Variants in SLC7A7 observed in about 807,000 individuals in gnomAD.
SLC7A7 encodes solute carrier family 7 member 7.
SLC7A7 carries 39 observed loss-of-function variants against 47.9 expected under a neutral mutation model. The observed-to-expected ratio is 0.81, with a 90% CI of 0.63 to 1.06. The LOEUF is 1.06. Among genes scored for constraint, SLC7A7 ranks in the 50% least tolerant of loss-of-function variants. SLC7A7 has a pLI of 0.00. For missense variants in SLC7A7, 588 were observed against 632.0 expected, an observed-to-expected ratio of 0.93 and a Z score of 0.75; for synonymous variants, 234 against 242.8, an observed-to-expected ratio of 0.96 and a Z score of 0.34.
chr14:22,780,404 G>C (rs1035471671), intron 2 of SLC7A7: 2 of 295,304 alleles, frequency 6.8e-6, no homozygotes, highest in African/African-American at 4.3e-5. Context: ...GAAAAGTCAT[G>C]GTCTCTCCCT....
intron 2 of SLC7A7, among the ~76,000 whole-genome samples, chr14:22,803,828 AC>A (rs1416432103): frequency 6.6e-6 from 1 of 152,132 alleles, no homozygotes; most frequent in Non-Finnish European, 1.5e-5. Flanking sequence ...TGCCACATAT[AC>A]ATGTTTAAGT....
intron 2 of SLC7A7, among the ~76,000 whole-genome samples, chr14:22,790,327 C>CAA (rs538548693): frequency 4.0e-4 from 33 of 83,194 alleles, no homozygotes; most frequent in African/African-American, 1.4e-3. Flanking sequence ...AAGACTGTCT[C>CAA]AAAAAAAAAA....
chr14:22,789,188 A>G (rs1395898235), intron 2 of SLC7A7, among the ~76,000 whole-genome samples: 2 of 152,166 alleles, frequency 1.3e-5, no homozygotes, highest in Non-Finnish European at 2.9e-5. Flanking sequence ...ATCACTTCAG[A>G]GTGCTGCTCA....
chr14:22,789,918 T>C (rs1437415374), intron 2 of SLC7A7, among the ~76,000 whole-genome samples: 2 of 152,158 alleles, frequency 1.3e-5, no homozygotes, highest in Non-Finnish European at 2.9e-5. Flanking sequence ...ACAGTGCTAC[T>C]TCATATTAGC....
chr14:22,781,375 C>T (rs1277655199), intron 2 of SLC7A7, among the ~76,000 whole-genome samples: 4 of 152,084 alleles, frequency 2.6e-5, no homozygotes, highest in Non-Finnish European at 5.9e-5. Flanking sequence ...ACAGCTGCCC[C>T]ATCTTCTCTC....
At chr14:22,791,343 T>C (rs1233042797) in intron 2 of SLC7A7, among the ~76,000 whole-genome samples, 1 of 152,110 alleles carries the variant, frequency 6.6e-6, no homozygotes, top group Non-Finnish European at 1.5e-5. Flanking sequence ...TGTGTTCTTT[T>C]TTCTTTCACA....
At chr14:22,780,801 G>A (rs1000984840) in intron 2 of SLC7A7, among the ~76,000 whole-genome samples, 7 of 152,264 alleles carry the variant, frequency 4.6e-5, no homozygotes, top group African/African-American at 1.7e-4. Context: ...AAAGTGTTAT[G>A]TCCATATGAA....
At chr14:22,792,344 C>T (rs891275629) in intron 2 of SLC7A7, among the ~76,000 whole-genome samples, 1 of 152,140 alleles carries the variant, frequency 6.6e-6, no homozygotes, top group African/African-American at 2.4e-5. Flanking sequence ...GTGAGGATCA[C>T]TTGAGGCCAG....
chr14:22,805,566 G>A (rs1174660531), intron 2 of SLC7A7, among the ~76,000 whole-genome samples: 4 of 152,142 alleles, frequency 2.6e-5, no homozygotes, highest in African/African-American at 9.7e-5. Flanking sequence ...TGAACGGTGA[G>A]AACACATAGA....
At chr14:22,779,541 G>A (rs1046713076) in intron 3 of SLC7A7, among the ~76,000 whole-genome samples, 7 of 151,342 alleles carry the variant, frequency 4.6e-5, no homozygotes, top group South Asian at 2.1e-4. Flanking sequence ...TGCAACCACC[G>A]CCTCCTGGAT....
At chr14:22,803,281 C>T (rs920559621) in intron 2 of SLC7A7, among the ~76,000 whole-genome samples, 4 of 151,728 alleles carry the variant, frequency 2.6e-5, no homozygotes, top group African/African-American at 9.7e-5. Flanking sequence ...TAGCCAGGCA[C>T]AGTGGCAGCG....
chr14:22,783,121 A>G (rs142577362), intron 2 of SLC7A7, among the ~76,000 whole-genome samples: 6,806 of 151,848 alleles, frequency 0.045, 242 homozygotes, highest in South Asian at 0.079. Flanking sequence ...TTTAGTAGAG[A>G]CAGGGTTTCA....
At chr14:22,784,722 T>C (rs1430339101) in intron 2 of SLC7A7, among the ~76,000 whole-genome samples, 1 of 152,050 alleles carries the variant, frequency 6.6e-6, no homozygotes, top group Non-Finnish European at 1.5e-5. Context: ...AGACTAGTTC[T>C]AGTGGTAAGG....
At chr14:22,802,263 C>T (rs998743001) in intron 2 of SLC7A7, among the ~76,000 whole-genome samples, 4 of 151,974 alleles carry the variant, frequency 2.6e-5, no homozygotes, top group Admixed American at 6.6e-5. Flanking sequence ...ATTAGCAGGG[C>T]GGGGTGACAT....
intron 2 of SLC7A7, among the ~76,000 whole-genome samples, chr14:22,795,447 CTATTCTTTTCT>C (rs2039004645): frequency 2.0e-4 from 8 of 40,838 alleles, no homozygotes; most frequent in Non-Finnish European, 3.4e-4. Context: ...TCTTTCTTTT[CTATTCTTTTCT>C]TTTCTTTTCT....
intron 2 of SLC7A7, among the ~76,000 whole-genome samples, chr14:22,793,118 C>T (rs12147201): frequency 0.87 from 130,842 of 151,126 alleles, 57,545 homozygotes; most frequent in East Asian, 0.98. Flanking sequence ...AGGGTTTCAC[C>T]GTGTTAGCCA....
Position 22,813,365 on chromosome 14 carries a change from G to A in SLC7A7, c.34C>T (p.Gln12Ter). 1 of 1,613,540 alleles carries A rather than the reference G, an allele frequency of 6.2e-7. No individual in the cohort carries two copies. The highest frequency in any genetic ancestry group is 1.1e-5 in the South Asian group (1 of 91,084). ...VDSTEYEVASQPEVETSPLGD... is the reference protein window; with the variant it reads ...VDSTEYEVAS ...AAAGGGGAGGTTTCCACCTCAGGCTGGGAGGCCACTTCATACTCAGTGCTG... is the reference window on the plus strand; with the variant it reads ...AAAGGGGAGGTTTCCACCTCAGGCTAGGAGGCCACTTCATACTCAGTGCTG... Residue 12 changes from glutamine (Q) to a stop codon, truncating the protein, a stop_gained, in exon 2 of 10, where the codon CAG becomes TAG. Coordinates refer to ENST00000674313, the MANE Select transcript of SLC7A7 (RefSeq NM_003982.4). LOFTEE classifies it high-confidence loss of function.
chr14:22,795,377 G>GCTTTCTTT (rs1315537846), intron 2 of SLC7A7, among the ~76,000 whole-genome samples: 5 of 7,344 alleles, frequency 6.8e-4, no homozygotes, highest in African/African-American at 7.5e-4. Flanking sequence ...TCTGAGTATT[G>GCTTTCTTT]CTTGCTTGCT....
At chr14:22,790,233 G>A (rs1410867818) in intron 2 of SLC7A7, among the ~76,000 whole-genome samples, 1 of 151,454 alleles carries the variant, frequency 6.6e-6, no homozygotes. Flanking sequence ...GGAGGCTAAG[G>A]TGGGAGAATT....
Sources: allele counts gnomAD v4.1 joint callset (sites outside exome capture counted in the v4.1 genomes callset), GRCh38; gene constraint gnomAD v4.1.1; transcripts MANE v1.5; gene names NCBI Gene and HGNC (gene_info 2026-07-23, HGNC 2026-07-21).